PKP2: variants seen among roughly 807,000 people sequenced by gnomAD.
PKP2 encodes plakophilin-2.
Under a neutral mutation model 83.4 loss-of-function variants are expected in PKP2, and 73 were observed. The ratio of observed to expected loss-of-function variants is 0.88; its 90% confidence interval spans 0.72 to 1.06. PKP2 has a LOEUF of 1.06. Among genes scored for constraint, PKP2 ranks in the 50% least tolerant of loss-of-function variants. The pLI, the probability that PKP2 is intolerant of heterozygous loss-of-function variation, is 0.00. For synonymous variants in PKP2, 409 were observed against 430.4 expected (o/e 0.95, Z 0.62); for missense variants, 966 against 1,065.4 (o/e 0.91, Z 1.30).
In PKP2 at chr12:32,796,130, A is replaced by G; in HGVS notation, c.2336T>C (p.Met779Thr). ...TTACGCATCGCCTGCACTAATGGCC[A>G]TAATTTTCTGGATGCCCCCGGTGTT... ...LLNTGGIQKI[M>T]AISAGDAYAS... The change falls in exon 11 of 13, where the codon ATG becomes ACG. Residue 779 changes from methionine (M) to threonine (T), a missense_variant. Coordinates refer to ENST00000340811, the MANE Select transcript of PKP2 (RefSeq NM_001005242.3). 1.2e-6 allele frequency: 2 copies of G among 1,614,156 alleles called. No homozygotes were observed. The highest frequency in any genetic ancestry group is 2.2e-5 in the East Asian group (1 of 44,870).
At chr12:32,830,042 A>G (rs1235423755) in intron 6 of PKP2, among the ~76,000 whole-genome samples, 1 of 152,214 alleles carries the variant, frequency 6.6e-6, no homozygotes, top group Non-Finnish European at 1.5e-5. Context: ...ACGCATCACC[A>G]ACAAGTATAG....
At chr12:32,855,226 C>T (rs1956734537) in intron 4 of PKP2, among the ~76,000 whole-genome samples, 1 of 152,106 alleles carries the variant, frequency 6.6e-6, no homozygotes, top group Non-Finnish European at 1.5e-5. Context: ...CCATTAACAT[C>T]CAGCAATGGG....
At chr12:32,845,162 A>G (rs902088805) in intron 5 of PKP2, among the ~76,000 whole-genome samples, 7 of 152,232 alleles carry the variant, frequency 4.6e-5, no homozygotes, top group Non-Finnish European at 7.3e-5. Context: ...ATAAGAGACA[A>G]TAACTCCATT....
At chr12:32,822,675 T>C in intron 7 of PKP2, 44 bp from the exon 8 acceptor site, 1 of 1,595,494 alleles carries the variant, frequency 6.3e-7, no homozygotes, top group South Asian at 1.1e-5. Flanking sequence ...CATATAGATA[T>C]CCTTGCAGGT....
chr12:32,798,081 C>CTT (rs1555141258), intron 10 of PKP2, among the ~76,000 whole-genome samples: 1 of 62,784 alleles, frequency 1.6e-5, no homozygotes, highest in Non-Finnish European at 4.0e-5. Context: ...TAATACTACT[C>CTT]TTGTTTTTTT....
intron 3 of PKP2, among the ~76,000 whole-genome samples, chr12:32,870,796 C>A (rs563760804): frequency 6.6e-6 from 1 of 152,130 alleles, no homozygotes; most frequent in Admixed American, 6.5e-5. Flanking sequence ...AAAGATTGAG[C>A]CATTAATCCA....
At chr12:32,830,424 C>T (rs1242923990) in intron 6 of PKP2, among the ~76,000 whole-genome samples, 1 of 152,198 alleles carries the variant, frequency 6.6e-6, no homozygotes, top group Non-Finnish European at 1.5e-5. Flanking sequence ...CTGAAGGTAT[C>T]AGCAAACATC....
Position 32,878,912 on chromosome 12 carries a change from T to C in PKP2, c.336+8A>G, listed in dbSNP as rs370814725. 2.9e-6 allele frequency: 4 copies of C among 1,372,820 alleles called. No homozygotes were observed. In the African/African-American group the frequency reaches 4.3e-5, roughly 15 times the overall value. The allele number at this position is 1,372,820 out of a possible 1,614,324, so 85.0% of individuals were successfully genotyped here. ...TGATCACTAGGGTTACATTCTTTGA[T>C]ATCCTACCTTTAGCATGTCATAGGT... is the stretch of plus-strand genomic sequence containing the variant. On this transcript the variant is annotated splice_region_variant and intron_variant, in intron 2 of 12. Coordinates refer to ENST00000340811, the MANE Select transcript of PKP2 (RefSeq NM_001005242.3).
chr12:32,830,702 T>C (rs1454433090), intron 6 of PKP2, among the ~76,000 whole-genome samples: 3 of 151,182 alleles, frequency 2.0e-5, no homozygotes, highest in South Asian at 2.1e-4. Context: ...AGGTCAGGAG[T>C]TCAAGACCGC....
intron 1 of PKP2, among the ~76,000 whole-genome samples, chr12:32,887,929 C>T (rs1006660129): frequency 6.6e-6 from 1 of 152,084 alleles, no homozygotes; most frequent in Admixed American, 6.6e-5. Context: ...CCTGTAATCC[C>T]AGCACTTTGG....
At chr12:32,861,028 AAAACAAAC>A (rs58398546) in intron 4 of PKP2, among the ~76,000 whole-genome samples, 5 of 151,358 alleles carry the variant, frequency 3.3e-5, no homozygotes, top group East Asian at 3.9e-4. Flanking sequence ...ACTCTGTCTC[AAAACAAAC>A]AAACAAACAA....
At position 32,841,047 on chromosome 12, in the gene PKP2, T is replaced by C. The variant is rs200343561; in HGVS notation, c.1537A>G (p.Asn513Asp). Residue 513 changes from asparagine to aspartate, a missense_variant, in exon 6 of 13, where the codon AAC (asparagine) becomes GAC (aspartate). Asn to Asp is a conservative substitution (Grantham distance 23, BLOSUM62 1). Coordinates refer to ENST00000340811, the MANE Select transcript of PKP2 (RefSeq NM_001005242.3). ...NGLLDFDIFY[N>D]VTGCLRNMSS... ...CATTACCTTAGGCATCCAGTGACGT[T>C]GTAGAATATGTCAAAATCGAGCAAA... is the stretch of plus-strand genomic sequence containing the variant. 61 of 1,613,458 alleles carry C rather than the reference T, an allele frequency of 3.8e-5. No homozygotes were observed. Among genetic ancestry groups the C allele is most frequent in the Admixed American group, 1.2e-4 (7 of 60,006 alleles).
intron 3 of PKP2, among the ~76,000 whole-genome samples, chr12:32,876,653 T>C (rs1956934766): frequency 6.6e-6 from 1 of 152,032 alleles, no homozygotes; most frequent in Admixed American, 6.6e-5. Context: ...CCTCAGCCTC[T>C]CGAGTAGTTA....
intron 5 of PKP2, among the ~76,000 whole-genome samples, chr12:32,843,809 A>C (rs1956622947): frequency 6.6e-6 from 1 of 152,344 alleles, no homozygotes; most frequent in Admixed American, 6.5e-5. Flanking sequence ...GTGGTTGAAA[A>C]CAATTTAAAG....
chr12:32,848,851 CATA>C (rs1592749801), intron 5 of PKP2, among the ~76,000 whole-genome samples: 2 of 152,104 alleles, frequency 1.3e-5, no homozygotes, highest in East Asian at 3.9e-4. Flanking sequence ...GTAGAGATAA[CATA>C]ATGACAAAAT....
chr12:32,873,189 TCC>T (rs1956908161), intron 3 of PKP2, among the ~76,000 whole-genome samples: 1 of 152,128 alleles, frequency 6.6e-6, no homozygotes, highest in African/African-American at 2.4e-5. Context: ...AGCCTGGACC[TCC>T]CAGGCTCAAG....
At position 32,878,551 on chromosome 12, in the gene PKP2, T is replaced by C. The variant is rs1389563698; in HGVS notation, c.337-8A>G. 4.4e-6 allele frequency: 7 copies of C among 1,608,346 alleles called. No individual in the cohort carries two copies. Among genetic ancestry groups the C allele is most frequent in the East Asian group, 4.5e-5 (2 of 44,840 alleles). On this transcript the variant is annotated splice_region_variant and splice_polypyrimidine_tract_variant and intron_variant, in intron 2 of 12. Coordinates refer to ENST00000340811, the MANE Select transcript of PKP2 (RefSeq NM_001005242.3). ...AGTGGCAGTTGTGCCAGCCTGCACATGAGAGAAATAAAGTTTAAAGGGGGC... is the reference window on the plus strand; with the variant it reads ...AGTGGCAGTTGTGCCAGCCTGCACACGAGAGAAATAAAGTTTAAAGGGGGC...
At chr12:32,865,518 TA>T (rs1304808153) in intron 4 of PKP2, among the ~76,000 whole-genome samples, 20 of 144,974 alleles carry the variant, frequency 1.4e-4, no homozygotes, top group Admixed American at 1.4e-4. Flanking sequence ...TCGACTCCAC[TA>T]AAAAAAAAAT....
At position 32,841,101 on chromosome 12, in the gene PKP2, G is replaced by C. The variant is rs543325231; in HGVS notation, c.1483C>G (p.Pro495Ala). ...TTTGCTTTTGGGTAGTCTCCTTCAG[G>C]CCACCCAGAAAAGGGGATGATGATA... ...ENIIIPFSGW[P>A]EGDYPKANGL... is the part of the protein sequence containing the mutation. The change falls in exon 6 of 13, where the codon CCT becomes GCT. Residue 495 changes from proline (P) to alanine (A), a missense_variant. By Grantham distance (27) the Pro-to-Ala change is conservative. Transcript: ENST00000340811. 30 of 1,613,206 alleles carry C rather than the reference G, an allele frequency of 1.9e-5. No individual in the cohort carries two copies. The South Asian group carries it at 3.1e-4, about 17-fold the overall frequency.
Sources: allele counts gnomAD v4.1 joint callset (sites outside exome capture counted in the v4.1 genomes callset), GRCh38; gene constraint gnomAD v4.1.1; transcripts MANE v1.5; gene names NCBI Gene and HGNC (gene_info 2026-07-23, HGNC 2026-07-21).